Variants in ZNF407 observed in about 807,000 individuals in gnomAD.
The protein encoded by ZNF407 is zinc finger protein 407.
In ZNF407, 17 loss-of-function variants were observed where a neutral mutation model predicts 131.2. That is an observed-to-expected ratio of 0.13 (90% CI 0.09 to 0.19). The LOEUF is 0.19. Among genes scored for constraint, ZNF407 ranks in the 10% least tolerant of loss-of-function variants. ZNF407 has a pLI of 1.00. For missense variants in ZNF407, 2,681 were observed against 2,830.6 expected, an observed-to-expected ratio of 0.95 and a Z score of 1.20; for synonymous variants, 1,156 against 1,062.0, an observed-to-expected ratio of 1.09 and a Z score of -1.72.
intron 8 of ZNF407, among the ~76,000 whole-genome samples, chr18:74,954,821 C>A (rs1378622324): frequency 6.6e-6 from 1 of 152,172 alleles, no homozygotes; most frequent in Non-Finnish European, 1.5e-5. Flanking sequence ...CATTGCCATC[C>A]TTTCGAGTGA....
intron 4 of ZNF407, among the ~76,000 whole-genome samples, chr18:74,839,751 G>A (rs1244579117): frequency 6.6e-6 from 1 of 152,116 alleles, no homozygotes; most frequent in African/African-American, 2.4e-5. Context: ...TAAAAACTAT[G>A]TGTGTATGTA....
chr18:75,059,496 G>T (rs1039706516), intron 8 of ZNF407, among the ~76,000 whole-genome samples: 3 of 152,042 alleles, frequency 2.0e-5, no homozygotes, highest in African/African-American at 7.2e-5. Context: ...TTCAAATTCT[G>T]AATTAGACTA....
At chr18:74,709,262 T>C (rs1475880669) in intron 3 of ZNF407, among the ~76,000 whole-genome samples, 1 of 152,240 alleles carries the variant, frequency 6.6e-6, no homozygotes, top group African/African-American at 2.4e-5. Flanking sequence ...CTCATGCATA[T>C]ATCTGATAGA....
chr18:75,047,070 A>G (rs1973443868), intron 8 of ZNF407, among the ~76,000 whole-genome samples: 1 of 152,242 alleles, frequency 6.6e-6, no homozygotes, highest in Admixed American at 6.5e-5. Context: ...ATTTATATAC[A>G]TCTTAAAAAT....
chr18:74,892,354 T>A (rs1971397214), intron 7 of ZNF407, among the ~76,000 whole-genome samples: 1 of 152,164 alleles, frequency 6.6e-6, no homozygotes, highest in Non-Finnish European at 1.5e-5. Flanking sequence ...ACTTTCTGTT[T>A]TGTAAATTGT....
chr18:74,784,284 T>G (rs1387576279), intron 4 of ZNF407, among the ~76,000 whole-genome samples: 1 of 152,252 alleles, frequency 6.6e-6, no homozygotes. Flanking sequence ...TTGCATATTA[T>G]AGCAAATAGT....
intron 4 of ZNF407, among the ~76,000 whole-genome samples, chr18:74,847,423 C>T (rs530695214): frequency 1.1e-3 from 169 of 152,248 alleles, no homozygotes; most frequent in African/African-American, 3.9e-3. Flanking sequence ...AAACTGTTAT[C>T]GTTGAATTAT....
Position 74,858,177 on chromosome 18 carries a change from C to T in ZNF407, c.4878-19020C>T, listed in dbSNP as rs935635214. ...TCCTCTCTCCCTCCCTTCCCTCCCT[C>T]CTTCTTTCCTTTTTTCCTGCCTTCC... On this transcript the variant is annotated intron_variant, in intron 4 of 8. Transcript: ENST00000299687. Among the ~76,000 whole-genome samples the T allele has an allele frequency of 1.2e-4, 18 of 150,436 alleles. 1 individual carries two copies. In the East Asian group the frequency reaches 2.0e-3, roughly 16 times the overall value.
chr18:74,761,565 A>G (rs1344001406), intron 3 of ZNF407, among the ~76,000 whole-genome samples: 1 of 152,148 alleles, frequency 6.6e-6, no homozygotes. Flanking sequence ...GCTATATATT[A>G]TTTCACCCAT....
intron 4 of ZNF407, among the ~76,000 whole-genome samples, chr18:74,861,961 T>G (rs959335839): frequency 2.0e-5 from 3 of 152,202 alleles, no homozygotes; most frequent in Admixed American, 1.3e-4. Flanking sequence ...AATTCAGTGT[T>G]TTCATAGGTG....
At chr18:74,814,976 T>TTTACATTATAAAATTTTACAATGTGAAA (rs1970248042) in intron 4 of ZNF407, among the ~76,000 whole-genome samples, 1 of 151,816 alleles carries the variant, frequency 6.6e-6, no homozygotes, top group African/African-American at 2.4e-5. Context: ...CAAAATTTTG[T>TTTACATTATAAAATTTTACAATGTGAAA]TTACATTATA....
At chr18:74,868,572 T>C (rs1971044431) in intron 4 of ZNF407, among the ~76,000 whole-genome samples, 1 of 152,334 alleles carries the variant, frequency 6.6e-6, no homozygotes, top group Admixed American at 6.5e-5. Context: ...TTGTGCAACT[T>C]GATTGCTCGT....
intron 4 of ZNF407, among the ~76,000 whole-genome samples, chr18:74,807,789 T>C (rs2046380201): frequency 6.6e-6 from 1 of 152,244 alleles, no homozygotes; most frequent in African/African-American, 2.4e-5. Context: ...TTATTGTATT[T>C]GTATGTGGAC....
chr18:74,907,533 G>A (rs1316021234), intron 7 of ZNF407, among the ~76,000 whole-genome samples: 3 of 152,142 alleles, frequency 2.0e-5, no homozygotes, highest in Non-Finnish European at 4.4e-5. Context: ...CGGGGAAATG[G>A]CTTCTCTTTC....
chr18:74,814,976 T>TTTACATTATAAAATTTTACAATGTAAAA lies in ZNF407; in HGVS notation c.4877+33490_4877+33517dup, dbSNP rs561197921. On this transcript the variant is annotated intron_variant, in intron 4 of 8. Transcript: ENST00000299687. ...ATCAGACTTTTATTTCAAAATTTTG[T>TTTACATTATAAAATTTTACAATGTAAAA]TTACATTATAAAATTTTACAATGTA... Among the ~76,000 whole-genome samples, 737 of 151,920 alleles carry TTTACATTATAAAATTTTACAATGTAAAA rather than the reference T, an allele frequency of 4.9e-3. 2 individuals carry two copies. Among genetic ancestry groups the TTTACATTATAAAATTTTACAATGTAAAA allele is most frequent in the African/African-American group, 0.017 (687 of 41,488 alleles).
chr18:74,937,615 T>C (rs1972053022), intron 8 of ZNF407, among the ~76,000 whole-genome samples: 1 of 152,212 alleles, frequency 6.6e-6, no homozygotes, highest in Non-Finnish European at 1.5e-5. Context: ...ATGAGACCTT[T>C]CATAATTGTG....
intron 3 of ZNF407, among the ~76,000 whole-genome samples, chr18:74,676,563 A>G (rs1216636677): frequency 2.0e-5 from 3 of 151,190 alleles, no homozygotes; most frequent in Non-Finnish European, 4.4e-5. Context: ...CAACCTCCCG[A>G]GTAGCTGGGA....
chr18:74,653,924 T>C (rs73971126), intron 3 of ZNF407, among the ~76,000 whole-genome samples: 4,066 of 151,920 alleles, frequency 0.027, 163 homozygotes, highest in African/African-American at 0.087. Flanking sequence ...ATATTATTCA[T>C]TGGACTCCTT....
chr18:74,877,844 G>A (rs1217483087), intron 5 of ZNF407, among the ~76,000 whole-genome samples: 1 of 152,134 alleles, frequency 6.6e-6, no homozygotes, highest in East Asian at 1.9e-4. Flanking sequence ...CTTCTGAGGA[G>A]GATACTGTCA....
Sources: gnomAD v4.1 joint callset for allele counts (sites outside exome capture counted in the v4.1 genomes callset) on GRCh38, gnomAD v4.1.1 for gene constraint, MANE v1.5 for transcripts, NCBI Gene and HGNC (gene_info 2026-07-23, HGNC 2026-07-21) for gene names.